The following DMD variants were observed in gnomAD, a reference collection of about 807,000 sequenced individuals.
The protein encoded by DMD is dystrophin.
In DMD, 63 loss-of-function variants were observed where a neutral mutation model predicts 330.1. That is an observed-to-expected ratio of 0.19 (90% CI 0.16 to 0.24). The LOEUF (loss-of-function observed/expected upper bound fraction) is 0.24, where lower values mean the gene tolerates loss of function less well. Ranked by LOEUF, DMD falls within the 10% of genes least tolerant of loss-of-function variation. DMD has a pLI of 1.00. For missense variants in DMD, 3,344 were observed against 2,684.1 expected (o/e 1.25, Z -5.43); for synonymous variants, 1,223 against 959.8 (o/e 1.27, Z -5.07).
chrX:32,562,039 T>C (rs1328339797), intron 16 of DMD, among the ~76,000 whole-genome samples: 1 of 111,549 alleles, frequency 9.0e-6, no homozygotes, highest in Non-Finnish European at 1.9e-5. Flanking sequence ...CAAGATAAAA[T>C]ATATATCGAT....
intron 55 of DMD, among the ~76,000 whole-genome samples, chrX:31,623,498 G>A (rs2078677827): frequency 9.0e-6 from 1 of 111,204 alleles, no homozygotes; most frequent in South Asian, 3.8e-4. Context: ...TCTTGACCTC[G>A]TGATCCGCCC....
intron 1 of DMD, among the ~76,000 whole-genome samples, chrX:33,101,534 G>A (rs1158727250): frequency 1.1e-4 from 12 of 112,071 alleles, no homozygotes; most frequent in Non-Finnish European, 1.9e-4. Flanking sequence ...GGGAAGCTAA[G>A]GCAGGAGAAT....
chrX:31,431,889 A>T (rs1186511915), intron 60 of DMD, among the ~76,000 whole-genome samples: 1 of 109,180 alleles, frequency 9.2e-6, no homozygotes, highest in Non-Finnish European at 1.9e-5. Context: ...ATCTCAGCTC[A>T]CTGCAACCTC....
intron 69 of DMD, among the ~76,000 whole-genome samples, chrX:31,179,425 C>T (rs1437514740): frequency 1.8e-5 from 2 of 112,195 alleles, no homozygotes; most frequent in Non-Finnish European, 3.8e-5. Flanking sequence ...GGAGTTGGGG[C>T]CTGTGGTTTC....
At chrX:33,214,827 AT>A (rs934696953), upstream of DMD, among the ~76,000 whole-genome samples, 1 of 110,647 alleles carries the variant, frequency 9.0e-6, no homozygotes, top group African/African-American at 3.3e-5. Context: ...CTAATTTAAT[AT>A]TTTTTTTAGA....
chrX:31,470,564 C>G (rs1454784022), intron 59 of DMD, among the ~76,000 whole-genome samples: 2 of 112,040 alleles, frequency 1.8e-5, no homozygotes, highest in Admixed American at 9.4e-5. Flanking sequence ...CCAGAGCTCT[C>G]CTGTATGAGG....
At chrX:31,968,180 G>A (rs1423563479) in intron 45 of DMD, among the ~76,000 whole-genome samples, 159 bp downstream of exon 45, 1 of 111,420 alleles carries the variant, frequency 9.0e-6, no homozygotes, top group Non-Finnish European at 1.9e-5. Context: ...ATGAAAAAAA[G>A]AAATAAAAAA....
chrX:32,418,229 C>T (rs752954395), intron 29 of DMD, among the ~76,000 whole-genome samples: 2 of 111,231 alleles, frequency 1.8e-5, no homozygotes, highest in South Asian at 3.8e-4. Context: ...GCTGAAACTA[C>T]GCATCAAACT....
At chrX:33,020,236 C>T (rs1282156424) in intron 1 of DMD, 36 bp from the exon 2 acceptor site, 1 of 976,826 alleles carries the variant, frequency 1.0e-6, no homozygotes, top group Admixed American at 2.5e-5. Flanking sequence ...AGTTAGGAAG[C>T]AACTTTAAAT....
chrX:31,570,814 T>A (rs2075769791), intron 55 of DMD, among the ~76,000 whole-genome samples: 2 of 111,870 alleles, frequency 1.8e-5, no homozygotes, highest in African/African-American at 6.5e-5. Context: ...GGAAGGAAAA[T>A]GAGCTGACAG....
chrX:32,385,431 C>A (rs2097950940), intron 33 of DMD, among the ~76,000 whole-genome samples: 1 of 110,736 alleles, frequency 9.0e-6, no homozygotes, highest in African/African-American at 3.3e-5. Flanking sequence ...AAAACCTGAA[C>A]CTATAAAATG....
intron 67 of DMD, among the ~76,000 whole-genome samples, chrX:31,183,669 C>A (rs1027939780): frequency 3.6e-5 from 4 of 110,565 alleles, no homozygotes; most frequent in African/African-American, 1.3e-4. Context: ...TTTTTCAACC[C>A]TATAGGATTG....
At chrX:32,508,535 T>C (rs1482933665) in intron 18 of DMD, among the ~76,000 whole-genome samples, 1 of 111,859 alleles carries the variant, frequency 8.9e-6, no homozygotes, top group African/African-American at 3.3e-5. Context: ...TTACTATCTG[T>C]CCCTAATAAA....
intron 29 of DMD, among the ~76,000 whole-genome samples, chrX:32,426,507 C>A (rs1003479680): frequency 9.0e-6 from 1 of 111,432 alleles, no homozygotes; most frequent in South Asian, 3.8e-4. Flanking sequence ...GCAGAGAAAA[C>A]AGAACATTTA....
intron 62 of DMD, among the ~76,000 whole-genome samples, chrX:31,302,446 T>C (rs2054722599): frequency 8.9e-6 from 1 of 111,884 alleles, no homozygotes; most frequent in African/African-American, 3.2e-5. Flanking sequence ...GATTCACTCT[T>C]ATAGTTTCCA....
intron 44 of DMD, among the ~76,000 whole-genome samples, chrX:32,040,618 C>T (rs1380949496): frequency 1.8e-5 from 2 of 111,232 alleles, no homozygotes; most frequent in Non-Finnish European, 3.8e-5. Flanking sequence ...AAATTAGATG[C>T]TTGTAGGTTT....
intron 7 of DMD, among the ~76,000 whole-genome samples, chrX:32,706,549 G>C (rs992523005): frequency 9.1e-6 from 1 of 109,903 alleles, no homozygotes. Flanking sequence ...GGGTGAGAGA[G>C]TGAGACTCCA....
intron 52 of DMD, among the ~76,000 whole-genome samples, chrX:31,694,965 C>A (rs1461725371): frequency 9.0e-6 from 1 of 110,702 alleles, no homozygotes; most frequent in Non-Finnish European, 1.9e-5. Context: ...GAGCTATCTG[C>A]ACTCTCACAT....
At chrX:32,892,357 G>GC (rs2085288398) in intron 2 of DMD, among the ~76,000 whole-genome samples, 1 of 110,957 alleles carries the variant, frequency 9.0e-6, no homozygotes, top group Non-Finnish European at 1.9e-5. Flanking sequence ...TGTTTCTGAT[G>GC]CCCCCCACGC....
Sources: allele counts gnomAD v4.1 joint callset (sites outside exome capture counted in the v4.1 genomes callset), GRCh38; gene constraint gnomAD v4.1.1; transcripts MANE v1.5; gene names NCBI Gene and HGNC (gene_info 2026-07-23, HGNC 2026-07-21).